The following ANKRD6 variants were observed in gnomAD, a reference collection of about 807,000 sequenced individuals.
ANKRD6 encodes ankyrin repeat domain-containing protein 6.
ANKRD6 carries 56 observed loss-of-function variants against 82.3 expected under a neutral mutation model. The ratio of observed to expected loss-of-function variants is 0.68; its 90% CI spans 0.55 to 0.85. ANKRD6 has a LOEUF of 0.85. Ranked by LOEUF, ANKRD6 falls within the 40% of genes least tolerant of loss-of-function variation. The pLI is 0.00. For synonymous variants in ANKRD6, 347 were observed against 352.1 expected, an observed-to-expected ratio of 0.99 and a Z score of 0.16; for missense variants, 852 against 907.6, an observed-to-expected ratio of 0.94 and a Z score of 0.79.
intron 1 of ANKRD6, among the ~76,000 whole-genome samples, chr6:89,524,878 C>T (rs1782280693): frequency 6.6e-6 from 1 of 151,858 alleles, no homozygotes; most frequent in Non-Finnish European, 1.5e-5. Flanking sequence ...CACATCCATG[C>T]CAACATCTAT....
intron 2 of ANKRD6, among the ~76,000 whole-genome samples, chr6:89,577,727 G>T (rs1456662945): frequency 6.6e-6 from 1 of 152,180 alleles, no homozygotes; most frequent in Non-Finnish European, 1.5e-5. Flanking sequence ...TGAGGTGGGA[G>T]GATTGCTTGA....
intron 1 of ANKRD6, among the ~76,000 whole-genome samples, chr6:89,446,419 A>C (rs1772100570): frequency 6.6e-6 from 1 of 152,214 alleles, no homozygotes; most frequent in East Asian, 1.9e-4. Flanking sequence ...GCCTCTAAGC[A>C]TTCAAGTGAA....
chr6:89,480,268 T>C (rs1226643356), intron 1 of ANKRD6, among the ~76,000 whole-genome samples: 1 of 152,160 alleles, frequency 6.6e-6, no homozygotes, highest in African/African-American at 2.4e-5. Context: ...ACTCCTGCAT[T>C]CTCCACCAGA....
intron 1 of ANKRD6, among the ~76,000 whole-genome samples, chr6:89,480,544 A>G (rs114088858): frequency 0.06 from 9,023 of 150,426 alleles, 291 homozygotes; most frequent in South Asian, 0.13. Flanking sequence ...TATATATTTT[A>G]TATATTTTTT....
At chr6:89,484,596 G>A (rs1450670782) in intron 1 of ANKRD6, among the ~76,000 whole-genome samples, 1 of 152,124 alleles carries the variant, frequency 6.6e-6, no homozygotes, top group African/African-American at 2.4e-5. Context: ...CTCTGTCTTT[G>A]GTACAGATGC....
chr6:89,567,419 A>T (rs565030351), intron 2 of ANKRD6, among the ~76,000 whole-genome samples: 1 of 152,142 alleles, frequency 6.6e-6, no homozygotes, highest in African/African-American at 2.4e-5. Context: ...ATCACGTTAG[A>T]TGGGCCTCCC....
At chr6:89,448,444 A>AG (rs1192601036) in intron 1 of ANKRD6, among the ~76,000 whole-genome samples, 1 of 151,340 alleles carries the variant, frequency 6.6e-6, no homozygotes, top group Non-Finnish European at 1.5e-5. Flanking sequence ...AAGAAAAAAA[A>AG]AAAAAGAATT....
chr6:89,478,285 T>C (rs1469535203), intron 1 of ANKRD6: 1 of 151,918 alleles, frequency 6.6e-6, no homozygotes, highest in Non-Finnish European at 1.5e-5. Flanking sequence ...CTCTCAGGAG[T>C]GGGGGACCAC....
chr6:89,446,968 C>T (rs1772169961), intron 1 of ANKRD6, among the ~76,000 whole-genome samples: 1 of 152,124 alleles, frequency 6.6e-6, no homozygotes, highest in Admixed American at 6.5e-5. Flanking sequence ...CTGAGGGTTC[C>T]CCAGCCCTGC....
intron 2 of ANKRD6, among the ~76,000 whole-genome samples, chr6:89,583,678 A>G (rs1283946927): frequency 1.3e-5 from 2 of 152,238 alleles, no homozygotes; most frequent in Non-Finnish European, 2.9e-5. Context: ...AGGAGAGGCT[A>G]TTAGGCTGCT....
chr6:89,516,969 A>G (rs1315807893), intron 1 of ANKRD6, among the ~76,000 whole-genome samples: 2 of 152,224 alleles, frequency 1.3e-5, no homozygotes, highest in Admixed American at 6.5e-5. Context: ...CCCTGGCTCA[A>G]GTGATCTTCC....
intron 1 of ANKRD6, among the ~76,000 whole-genome samples, chr6:89,521,760 T>G (rs1039530516): frequency 2.0e-5 from 3 of 151,978 alleles, no homozygotes; most frequent in African/African-American, 7.2e-5. Context: ...ATTTTTTTCC[T>G]TATTATATAA....
chr6:89,468,375 A>G (rs978551620), intron 1 of ANKRD6, among the ~76,000 whole-genome samples: 5 of 152,198 alleles, frequency 3.3e-5, no homozygotes, highest in Non-Finnish European at 7.3e-5. Flanking sequence ...AGTTTCTACC[A>G]GTATTGCTTA....
chr6:89,559,449 C>T (rs1787075205), intron 1 of ANKRD6, among the ~76,000 whole-genome samples: 1 of 152,156 alleles, frequency 6.6e-6, no homozygotes, highest in African/African-American at 2.4e-5. Context: ...TCCTTATGCC[C>T]ATCTCTTCAA....
chr6:89,583,407 TTATGGGATCAATAA>T (rs1385972249), intron 2 of ANKRD6, among the ~76,000 whole-genome samples: 1 of 152,128 alleles, frequency 6.6e-6, no homozygotes, highest in Non-Finnish European at 1.5e-5. Flanking sequence ...GCATGGAAAA[TTATGGGATCAATAA>T]TATGAAAGTC....
intron 7 of ANKRD6, among the ~76,000 whole-genome samples, chr6:89,615,888 G>A (rs1318355561): frequency 6.6e-6 from 1 of 152,198 alleles, no homozygotes. Flanking sequence ...AGTTGATTTT[G>A]TGAAAGCATA....
intron 1 of ANKRD6, among the ~76,000 whole-genome samples, chr6:89,499,304 G>A (rs1382717500): frequency 6.6e-6 from 1 of 152,192 alleles, no homozygotes; most frequent in African/African-American, 2.4e-5. Flanking sequence ...CCTTCTCCAG[G>A]ACTTATTCAT....
In ANKRD6 at chr6:89,602,653, AG is replaced by A. The variant is rs1583643450; in HGVS notation, c.220-374del. The A allele has an allele frequency of 2.1e-5, 4 of 186,954 alleles. No individual in the cohort carries two copies. The East Asian group carries it at 5.4e-4, about 25-fold the overall frequency. The allele number at this position is 186,954 out of a possible 1,614,324, so 11.6% of individuals were successfully genotyped here. A position where few individuals can be genotyped will look rare whatever the true frequency, so the allele number is the denominator to read the frequency against. ...AAACTCGGCAGGCAGTAGAGATTCC[AG>A]GCATTGCTGCTTTAATTGCATAGCA... On this transcript the variant is annotated intron_variant, in intron 3 of 15. Transcript: ENST00000339746.
chr6:89,517,351 GTTCT>G (rs989914831), intron 1 of ANKRD6, among the ~76,000 whole-genome samples: 1 of 152,210 alleles, frequency 6.6e-6, no homozygotes, highest in African/African-American at 2.4e-5. Context: ...GTGGAATGCA[GTTCT>G]TTCTTTATAG....
Sources: gnomAD v4.1 joint callset for allele counts (sites outside exome capture counted in the v4.1 genomes callset) on GRCh38, gnomAD v4.1.1 for gene constraint, MANE v1.5 for transcripts, NCBI Gene and HGNC (gene_info 2026-07-23, HGNC 2026-07-21) for gene names.